Variants in ZNF804A observed in about 807,000 individuals in gnomAD.
The protein encoded by ZNF804A is zinc finger protein 804A.
A neutral mutation model predicts 16.5 loss-of-function variants in ZNF804A; 2 were observed. That is an observed-to-expected ratio of 0.12 (90% CI 0.05 to 0.38). The LOEUF (loss-of-function observed/expected upper bound fraction) is 0.38, where lower values mean the gene tolerates loss of function less well. Among genes scored for constraint, ZNF804A ranks in the 10% least tolerant of loss-of-function variants. ZNF804A has a pLI of 0.99. For missense variants in ZNF804A, 1,473 were observed against 1,390.7 expected (o/e 1.06, Z -0.94); for synonymous variants, 534 against 489.6 (o/e 1.09, Z -1.20).
At chr2:184,899,924 GATAA>G (rs1685151241) in intron 2 of ZNF804A, among the ~76,000 whole-genome samples, 1 of 151,820 alleles carries the variant, frequency 6.6e-6, no homozygotes, top group Non-Finnish European at 1.5e-5. Context: ...ACATTTTTAA[GATAA>G]ATACAATTAT....
intron 2 of ZNF804A, among the ~76,000 whole-genome samples, chr2:184,932,825 C>A (rs530080723): frequency 6.6e-6 from 1 of 152,202 alleles, no homozygotes; most frequent in African/African-American, 2.4e-5. Flanking sequence ...CAATTATGTT[C>A]GAGTTGGCAT....
intron 2 of ZNF804A, among the ~76,000 whole-genome samples, chr2:184,931,598 T>A (rs962270659): frequency 1.3e-5 from 2 of 152,200 alleles, no homozygotes; most frequent in Non-Finnish European, 2.9e-5. Flanking sequence ...AAAACCATTT[T>A]TCCCTCCCAA....
chr2:184,903,434 G>A (rs1178314861), intron 2 of ZNF804A, among the ~76,000 whole-genome samples: 1 of 152,056 alleles, frequency 6.6e-6, no homozygotes, highest in Non-Finnish European at 1.5e-5. Flanking sequence ...ATACTATATA[G>A]GCTTGTAGCC....
intron 1 of ZNF804A, among the ~76,000 whole-genome samples, chr2:184,846,185 T>A (rs993573409): frequency 6.6e-5 from 10 of 152,108 alleles, no homozygotes; most frequent in Non-Finnish European, 1.3e-4. Flanking sequence ...TCCTGAAATC[T>A]CAAAGCACTC....
At chr2:184,881,695 C>G (rs1050950810) in intron 2 of ZNF804A, among the ~76,000 whole-genome samples, 4 of 151,660 alleles carry the variant, frequency 2.6e-5, no homozygotes, top group African/African-American at 9.7e-5. Flanking sequence ...GCTTCATAAA[C>G]AAAGGAGGAA....
intron 1 of ZNF804A, among the ~76,000 whole-genome samples, chr2:184,609,624 G>C (rs1185733314): frequency 6.6e-6 from 1 of 152,192 alleles, no homozygotes; most frequent in East Asian, 1.9e-4. Flanking sequence ...CCTGCTTCCT[G>C]GTTTGCATGT....
chr2:184,767,186 A>G (rs1027820529), intron 1 of ZNF804A, among the ~76,000 whole-genome samples: 3 of 152,192 alleles, frequency 2.0e-5, no homozygotes, highest in Non-Finnish European at 4.4e-5. Flanking sequence ...TATTCTGACT[A>G]ACACACAACC....
rs117811173 is a variant in ZNF804A, at chr2:184,774,544, G to A, written c.112-91825G>A. On this transcript the variant is annotated intron_variant, in intron 1 of 3. Transcript: ENST00000302277. ...GGTTTGGTCAGAAATTGTGAAAGGG[G>A]GGTCTTCCATCCTTAACTGTGCTTT... Among the ~76,000 whole-genome samples the A allele has an allele frequency of 3.2e-4, 49 of 151,680 alleles. No homozygotes were observed. In the East Asian group the frequency reaches 9.3e-3, roughly 29 times the overall value.
rs371753162 is a variant in ZNF804A at position 184,836,242 on chromosome 2, C to T, written c.112-30127C>T. Among the ~76,000 whole-genome samples the T allele has an allele frequency of 2.4e-4, 37 of 152,178 alleles. 1 individual carries two copies. The South Asian group carries it at 7.7e-3, about 32-fold the overall frequency. ...AGAGAAAAAGGATAGATAATGAGTG[C>T]CATTATGGCAGGGCCTGTTCTTTGT... is the stretch of plus-strand genomic sequence containing the variant. On this transcript the variant is annotated intron_variant, in intron 1 of 3. Transcript: ENST00000302277.
At chr2:184,754,850 A>G (rs1290509914) in intron 1 of ZNF804A, among the ~76,000 whole-genome samples, 2 of 151,890 alleles carry the variant, frequency 1.3e-5, no homozygotes, top group African/African-American at 4.8e-5. Flanking sequence ...ATGTACAATC[A>G]TGGTGGAAGT....
At chr2:184,610,998 AC>A (rs1691228128) in intron 1 of ZNF804A, among the ~76,000 whole-genome samples, 1 of 152,178 alleles carries the variant, frequency 6.6e-6, no homozygotes, top group African/African-American at 2.4e-5. Context: ...ATAACAAAAT[AC>A]CACTGATTGA....
At chr2:184,666,713 G>T (rs1312400465) in intron 1 of ZNF804A, among the ~76,000 whole-genome samples, 2 of 151,982 alleles carry the variant, frequency 1.3e-5, no homozygotes, top group Admixed American at 1.3e-4. Flanking sequence ...AGAGGCAAGG[G>T]AGGCAAATTA....
intron 1 of ZNF804A, among the ~76,000 whole-genome samples, chr2:184,680,952 G>A (rs905592555): frequency 3.9e-5 from 6 of 152,240 alleles, no homozygotes; most frequent in African/African-American, 1.4e-4. Flanking sequence ...TGCTTGCAGT[G>A]TGCCTGGTCC....
At chr2:184,854,598 C>A (rs899365131) in intron 1 of ZNF804A, among the ~76,000 whole-genome samples, 4 of 151,850 alleles carry the variant, frequency 2.6e-5, no homozygotes, top group African/African-American at 9.7e-5. Context: ...ATCTGTAGCA[C>A]AAAAAGTCAA....
At chr2:184,822,504 T>C (rs1223430947) in intron 1 of ZNF804A, among the ~76,000 whole-genome samples, 2 of 152,148 alleles carry the variant, frequency 1.3e-5, no homozygotes, top group African/African-American at 4.8e-5. Context: ...TTTACCCATG[T>C]ACCCTGGAAT....
At chr2:184,636,549 CTGTGTGTGTGTGTGTGTG>C (rs71011052) in intron 1 of ZNF804A, among the ~76,000 whole-genome samples, 2 of 138,624 alleles carry the variant, frequency 1.4e-5, no homozygotes, top group African/African-American at 2.7e-5. Flanking sequence ...GGCTCTAGGG[CTGTGTGTGTGTGTGTGTG>C]TGTGTGTGTG....
chr2:184,799,978 C>A (rs149032439), intron 1 of ZNF804A, among the ~76,000 whole-genome samples: 1 of 152,048 alleles, frequency 6.6e-6, no homozygotes, highest in Non-Finnish European at 1.5e-5. Context: ...TTAATTATTA[C>A]GTATATGATC....
chr2:184,790,117 T>C (rs1386375290), intron 1 of ZNF804A, among the ~76,000 whole-genome samples: 1 of 152,174 alleles, frequency 6.6e-6, no homozygotes, highest in African/African-American at 2.4e-5. Context: ...TTATTTTCCA[T>C]GTACTTGTGT....
chr2:184,625,648 G>T (rs188097362), intron 1 of ZNF804A, among the ~76,000 whole-genome samples: 9 of 152,136 alleles, frequency 5.9e-5, no homozygotes, highest in Admixed American at 5.9e-4. Context: ...ACCTTTTATA[G>T]TATAAAGCAG....
Sources: gnomAD v4.1 joint callset for allele counts (sites outside exome capture counted in the v4.1 genomes callset) on GRCh38, gnomAD v4.1.1 for gene constraint, MANE v1.5 for transcripts, NCBI Gene and HGNC (gene_info 2026-07-23, HGNC 2026-07-21) for gene names.